ADAMTS19: variants seen among roughly 807,000 people sequenced by gnomAD.
ADAMTS19 encodes the protein ADAM metallopeptidase with thrombospondin type 1 motif 19.
Under a neutral mutation model 153.3 loss-of-function variants are expected in ADAMTS19, and 93 were observed. The ratio of observed to expected loss-of-function variants is 0.61; its 90% CI spans 0.51 to 0.72. The LOEUF is 0.72. Among genes scored for constraint, ADAMTS19 ranks in the 30% least tolerant of loss-of-function variants. The pLI, the probability that ADAMTS19 is intolerant of heterozygous loss-of-function variation, is 0.00. For synonymous variants in ADAMTS19, 600 were observed against 556.6 expected (o/e 1.08, Z -1.10); for missense variants, 1,482 against 1,552.1 (o/e 0.95, Z 0.76).
At chr5:129,669,812 G>A (rs1031816045) in intron 16 of ADAMTS19, among the ~76,000 whole-genome samples, 2 of 151,648 alleles carry the variant, frequency 1.3e-5, no homozygotes, top group Non-Finnish European at 2.9e-5. Flanking sequence ...AATTCCCCAT[G>A]TGATTTTTTT....
At chr5:129,607,994 C>CTA (rs367884578) in intron 8 of ADAMTS19, among the ~76,000 whole-genome samples, 175 of 143,368 alleles carry the variant, frequency 1.2e-3, no homozygotes, top group African/African-American at 3.6e-3. Flanking sequence ...ATAAACAATT[C>CTA]TATATATATA....
Position 129,620,664 on chromosome 5 carries a change from C to G in ADAMTS19, c.1525C>G (p.Leu509Val). The G allele has an allele frequency of 6.2e-7, 1 of 1,612,512 alleles. No homozygotes were observed. The highest frequency in any genetic ancestry group is 8.5e-7 in the Non-Finnish European group (1 of 1,178,936). Residue 509 changes from leucine to valine, a missense_variant, in exon 9 of 23, where the codon CTT (leucine) becomes GTT (valine). Around this residue, in one of 2 missense-constraint regions of ADAMTS19, gnomAD observed 866 missense variants for 827.7 expected, o/e 1.05. Transcript: ENST00000274487. ...TGACCACCCATCGTGTGCTGATGGT[C>G]TTCATATCATGTCTGGTGAATGGAT... ...DNDHPSCADG[L>V]HIMSGEWIKG...
chr5:129,468,237 A>C (rs141882369), intron 2 of ADAMTS19, among the ~76,000 whole-genome samples: 4 of 152,222 alleles, frequency 2.6e-5, no homozygotes, highest in African/African-American at 4.8e-5. Context: ...AGATGGTGCT[A>C]CTTTACAGTC....
intron 7 of ADAMTS19, among the ~76,000 whole-genome samples, chr5:129,560,511 C>T (rs1213148186): frequency 6.6e-6 from 1 of 152,218 alleles, no homozygotes; most frequent in Admixed American, 6.5e-5. Flanking sequence ...GCAACCAGCA[C>T]ATCAGTGCCA....
intron 21 of ADAMTS19, among the ~76,000 whole-genome samples, chr5:129,726,894 C>T (rs1270204890): frequency 6.6e-6 from 1 of 152,014 alleles, no homozygotes; most frequent in Non-Finnish European, 1.5e-5. Context: ...ATACTTTCCT[C>T]CTTTATTTTT....
chr5:129,732,458 T>C lies in ADAMTS19; in HGVS notation c.3313-2474T>C, dbSNP rs187906268. On this transcript the variant is annotated intron_variant, in intron 21 of 22. Transcript: ENST00000274487. ...TCCTTCAAAAGACTCCTAGACTTGA[T>C]AAATGGCATCAGTGAAGTTTCAGGA... Among the ~76,000 whole-genome samples, 1,385 of 152,222 alleles carry C rather than the reference T, an allele frequency of 9.1e-3. 10 individuals carry two copies. The highest frequency in any genetic ancestry group is 0.031 in the Middle Eastern group (9 of 294).
intron 2 of ADAMTS19, among the ~76,000 whole-genome samples, chr5:129,468,817 G>T (rs542804572): frequency 2.9e-4 from 44 of 151,392 alleles, no homozygotes; most frequent in African/African-American, 1.1e-3. Flanking sequence ...TGTTCTGTCG[G>T]CCAGGCCAGA....
At chr5:129,623,581 T>C (rs1413717198) in intron 10 of ADAMTS19, among the ~76,000 whole-genome samples, 2 of 152,182 alleles carry the variant, frequency 1.3e-5, no homozygotes, top group African/African-American at 4.8e-5. Flanking sequence ...GCATATGACA[T>C]TATAATTTAT....
At chr5:129,525,311 T>C (rs1185683418) in intron 3 of ADAMTS19, among the ~76,000 whole-genome samples, 1 of 152,110 alleles carries the variant, frequency 6.6e-6, no homozygotes, top group Non-Finnish European at 1.5e-5. Flanking sequence ...TGTCAGCACT[T>C]GATATAGTAA....
chr5:129,619,447 AC>A (rs1457057555), intron 8 of ADAMTS19, among the ~76,000 whole-genome samples: 4 of 150,840 alleles, frequency 2.7e-5, no homozygotes, highest in Non-Finnish European at 5.9e-5. Context: ...AAAATAAGAA[AC>A]AACATAATGT....
chr5:129,586,778 T>C lies in ADAMTS19; in HGVS notation c.1373-9781T>C, dbSNP rs575433116. Among the ~76,000 whole-genome samples, 8 of 152,356 alleles carry C rather than the reference T, an allele frequency of 5.3e-5. No individual in the cohort carries two copies. The East Asian group carries it at 1.5e-3, about 29-fold the overall frequency. On this transcript the variant is annotated intron_variant, in intron 7 of 22. Transcript: ENST00000274487. Reference sequence around the variant, plus strand: ...ATTTTGCTTTCCAATCAACAATGAATGACGGTTCCTGCTGCTCCACATTCT... The same window carrying C: ...ATTTTGCTTTCCAATCAACAATGAACGACGGTTCCTGCTGCTCCACATTCT...
chr5:129,721,887 A>C (rs542508585), intron 21 of ADAMTS19, among the ~76,000 whole-genome samples: 203 of 152,216 alleles, frequency 1.3e-3, no homozygotes, highest in Middle Eastern at 3.4e-3. Flanking sequence ...TTTGCTGAGG[A>C]TGATGTCTTC....
chr5:129,595,374 T>C (rs1750324895), intron 7 of ADAMTS19, among the ~76,000 whole-genome samples: 1 of 152,166 alleles, frequency 6.6e-6, no homozygotes, highest in Non-Finnish European at 1.5e-5. Flanking sequence ...TTTCACTAAA[T>C]CTGTTCCTAT....
In ADAMTS19 at chr5:129,648,837, A is replaced by G; in HGVS notation, c.2043A>G (p.Lys681=). 1 of 1,613,992 alleles carries G rather than the reference A, an allele frequency of 6.2e-7. No individual in the cohort carries two copies. The highest frequency in any genetic ancestry group is 1.3e-5 in the African/African-American group (1 of 75,032). Reference sequence around the variant, plus strand: ...CAAGGGATTGTAATGGTCCCAGAAAACAATACAGAATATGTGAGAATCCAC... The same window carrying G: ...CAAGGGATTGTAATGGTCCCAGAAAGCAATACAGAATATGTGAGAATCCAC... The part of the protein sequence containing the change: ...SEARDCNGPR[K]QYRICENPPC... Residue 681 remains lysine, a synonymous_variant, in exon 13 of 23, where the codon AAA becomes AAG. Transcript: ENST00000274487.
At chr5:129,602,856 G>GTGTGTGTGTGTC (rs1227810281) in intron 8 of ADAMTS19, among the ~76,000 whole-genome samples, 1 of 151,080 alleles carries the variant, frequency 6.6e-6, no homozygotes, top group African/African-American at 2.4e-5. Flanking sequence ...GTGTGTGTGT[G>GTGTGTGTGTGTC]TCTTTCACTG....
At chr5:129,471,448 AAAG>A (rs1580981835) in intron 2 of ADAMTS19, among the ~76,000 whole-genome samples, 1 of 133,570 alleles carries the variant, frequency 7.5e-6, no homozygotes. Context: ...AAAGAAAGAA[AAAG>A]AAGGAAGGAA....
Position 129,527,807 on chromosome 5 carries a change from G to A in ADAMTS19, c.1146G>A (p.Lys382=). ...TGCAGGTCAATCTTCGTGTGATAAA[G>A]CTTATTCTGCTCCATGAAACTCCAG... ...LSVQVNLRVI[K]LILLHETPPE... The change falls in exon 5 of 23, where the codon AAG becomes AAA. Residue 382 remains lysine, a synonymous_variant. Transcript: ENST00000274487. 6.3e-7 allele frequency: 1 copy of A among 1,598,934 alleles called. No homozygotes were observed. The highest frequency in any genetic ancestry group is 8.5e-7 in the Non-Finnish European group (1 of 1,169,606).
At chr5:129,625,917 C>T (rs1198063316) in intron 10 of ADAMTS19, among the ~76,000 whole-genome samples, 2 of 152,044 alleles carry the variant, frequency 1.3e-5, no homozygotes, top group Non-Finnish European at 2.9e-5. Context: ...AAGTCCTTGC[C>T]CATGCCTATG....
intron 7 of ADAMTS19, 131 bp from the exon 8 acceptor site, chr5:129,596,428 G>A (rs1003842935): frequency 1.7e-6 from 1 of 577,152 alleles, no homozygotes; most frequent in Non-Finnish European, 2.9e-6. Context: ...CATTTATTAG[G>A]GCTAGATTTC....
Sources: gnomAD v4.1 joint callset for allele counts (sites outside exome capture counted in the v4.1 genomes callset) on GRCh38, gnomAD v4.1.1 for gene constraint, gnomAD v4.1.1 regional missense constraint, MANE v1.5 for transcripts, NCBI Gene and HGNC (gene_info 2026-07-23, HGNC 2026-07-21) for gene names.